Variants in COL9A1 observed in about 807,000 individuals in gnomAD.
COL9A1 encodes collagen alpha-1(IX) chain.
COL9A1 carries 104 observed loss-of-function variants against 142.6 expected under a neutral mutation model. The ratio of observed to expected loss-of-function variants is 0.73; its 90% confidence interval spans 0.62 to 0.86. The LOEUF is 0.86. Ranked by LOEUF, COL9A1 falls within the 40% of genes least tolerant of loss-of-function variation. COL9A1 has a pLI of 0.00. For missense variants in COL9A1, 1,210 were observed against 1,176.6 expected (o/e 1.03, Z -0.42); for synonymous variants, 466 against 396.0 (o/e 1.18, Z -2.10).
intron 36 of COL9A1, among the ~76,000 whole-genome samples, chr6:70,228,182 T>C (rs1303273899): frequency 6.6e-6 from 1 of 152,114 alleles, no homozygotes; most frequent in Non-Finnish European, 1.5e-5. Flanking sequence ...TACTGACTCA[T>C]TGTTTATAGG....
At chr6:70,236,163 C>T (rs1410723826) in intron 33 of COL9A1, among the ~76,000 whole-genome samples, 3 of 135,986 alleles carry the variant, frequency 2.2e-5, no homozygotes, top group African/African-American at 8.2e-5. Context: ...AAAGTTACAA[C>T]TTACTTAAGT....
chr6:70,227,143 C>T (rs909773956), intron 36 of COL9A1, among the ~76,000 whole-genome samples: 1 of 151,826 alleles, frequency 6.6e-6, no homozygotes, highest in African/African-American at 2.4e-5. Context: ...AGATCTATAC[C>T]TCACACCCTA....
At chr6:70,268,726 G>T in intron 17 of COL9A1, 78 bp downstream of exon 17, 1 of 1,332,242 alleles carries the variant, frequency 7.5e-7, no homozygotes, top group Non-Finnish European at 1.1e-6. Flanking sequence ...CTCTGCACCA[G>T]GAAGGCTAAT....
At chr6:70,260,307 C>T (rs1028766914) in intron 20 of COL9A1, among the ~76,000 whole-genome samples, 9 of 151,854 alleles carry the variant, frequency 5.9e-5, no homozygotes, top group African/African-American at 1.7e-4. Flanking sequence ...TTTGGGAGGC[C>T]GAGCCAGGTG....
chr6:70,250,870 T>C (rs1351992961), intron 28 of COL9A1, among the ~76,000 whole-genome samples: 1 of 152,210 alleles, frequency 6.6e-6, no homozygotes, highest in African/African-American at 2.4e-5. Context: ...GAGAAAATGG[T>C]CATTGCTATG....
chr6:70,264,173 C>A (rs1430766470), intron 18 of COL9A1, among the ~76,000 whole-genome samples: 3 of 151,868 alleles, frequency 2.0e-5, no homozygotes, highest in African/African-American at 7.2e-5. Context: ...AAGGAGAATT[C>A]CCTTATCTTT....
At chr6:70,268,915 A>G (rs1181902321) in intron 16 of COL9A1, 55 bp from the exon 17 acceptor site, 1 of 1,481,190 alleles carries the variant, frequency 6.8e-7, no homozygotes, top group Non-Finnish European at 9.4e-7. Context: ...TGCATAAACT[A>G]GGACTCCCGC....
At position 70,263,287 on chromosome 6, in the gene COL9A1, C is replaced by A; in HGVS notation, c.1352G>T (p.Gly451Val). Residue 451 changes from glycine (G) to valine (V), a missense_variant, in exon 19 of 38, where the codon GGT (glycine) becomes GTT (valine). Gly to Val is a moderately radical substitution (Grantham distance 109, BLOSUM62 -3). Transcript: ENST00000357250. ...AACTTCTCCGAGTTCTCCCTGGTCA[C>A]CTTCTTCACCCTAAAGAAAAAAAAG... ...PGRQGHKGEE[G>V]DQGELGEVGA... The A allele has an allele frequency of 1.2e-6, 2 of 1,609,024 alleles. No homozygotes were observed. Among genetic ancestry groups the A allele is most frequent in the Non-Finnish European group, 1.7e-6 (2 of 1,177,468 alleles).
At chr6:70,293,631 T>A (rs62420262) in intron 5 of COL9A1, among the ~76,000 whole-genome samples, 23 of 137,786 alleles carry the variant, frequency 1.7e-4, no homozygotes, top group African/African-American at 6.3e-4. Context: ...TCTCTCTCTT[T>A]CACACACACA....
intron 4 of COL9A1, among the ~76,000 whole-genome samples, chr6:70,299,250 T>C (rs1773963802): frequency 6.6e-6 from 1 of 152,116 alleles, no homozygotes; most frequent in African/African-American, 2.4e-5. Flanking sequence ...TATTATCTTA[T>C]TGTTCTAATT....
At chr6:70,285,431 G>A (rs369937808) in intron 5 of COL9A1, among the ~76,000 whole-genome samples, 1 of 152,190 alleles carries the variant, frequency 6.6e-6, no homozygotes, top group African/African-American at 2.4e-5. Context: ...AGTCACTTGC[G>A]TTATACATGT....
intron 11 of COL9A1, 126 bp downstream of exon 11, chr6:70,274,593 C>G: frequency 1.3e-6 from 1 of 781,636 alleles, no homozygotes; most frequent in Non-Finnish European, 2.2e-6. Context: ...TTTTTAAACA[C>G]AATTTTAGTT....
At chr6:70,279,059 T>C (rs1258874544) in intron 10 of COL9A1, among the ~76,000 whole-genome samples, 1 of 152,200 alleles carries the variant, frequency 6.6e-6, no homozygotes, top group Non-Finnish European at 1.5e-5. Flanking sequence ...ATTTTTGAAA[T>C]ACAAAATAAA....
intron 4 of COL9A1, among the ~76,000 whole-genome samples, chr6:70,297,425 A>T (rs2127606869): frequency 6.6e-6 from 1 of 152,250 alleles, no homozygotes; most frequent in South Asian, 2.1e-4. Context: ...ATATGGTAAG[A>T]AGAGAAAATT....
chr6:70,294,713 T>C (rs1219822619), intron 4 of COL9A1, 150 bp from the exon 5 acceptor site: 1 of 716,922 alleles, frequency 1.4e-6, no homozygotes, highest in African/African-American at 1.8e-5. Context: ...TTCATGACTG[T>C]TCATAAAGAC....
intron 25 of COL9A1, among the ~76,000 whole-genome samples, chr6:70,254,105 C>T (rs1771118898): frequency 1.3e-5 from 2 of 152,142 alleles, no homozygotes; most frequent in Non-Finnish European, 2.9e-5. Context: ...CCTGAGTATA[C>T]TCTCAGCACT....
chr6:70,251,187 A>G (rs76869551), intron 28 of COL9A1, among the ~76,000 whole-genome samples: 1 of 152,328 alleles, frequency 6.6e-6, no homozygotes, highest in Admixed American at 6.5e-5. Context: ...GTACTGATAC[A>G]TGCTACAGCA....
intron 17 of COL9A1, among the ~76,000 whole-genome samples, chr6:70,267,242 G>T (rs779761631): frequency 6.6e-5 from 10 of 151,932 alleles, no homozygotes; most frequent in Non-Finnish European, 1.5e-4. Flanking sequence ...GTGGAGGAAG[G>T]CCTGGTGTAA....
At chr6:70,252,402 A>G in intron 26 of COL9A1, 87 bp from the exon 27 acceptor site, 2 of 1,158,398 alleles carry the variant, frequency 1.7e-6, no homozygotes, top group East Asian at 4.7e-5. Context: ...GATCTCTTAC[A>G]TTTGAATAGC....
Sources: allele counts gnomAD v4.1 joint callset (sites outside exome capture counted in the v4.1 genomes callset), GRCh38; gene constraint gnomAD v4.1.1; transcripts MANE v1.5; gene names NCBI Gene and HGNC (gene_info 2026-07-23, HGNC 2026-07-21).